The following LRPAP1 variants were observed in gnomAD, a reference collection of about 807,000 sequenced individuals.
LRPAP1 encodes the protein alpha-2-macroglobulin receptor-associated protein.
In LRPAP1, 41 loss-of-function variants were observed where a neutral mutation model predicts 39.9. The ratio of observed to expected loss-of-function variants is 1.03; its 90% CI spans 0.80 to 1.33. LRPAP1 has a LOEUF of 1.33. Among genes scored for constraint, LRPAP1 ranks in the 40% most tolerant of loss-of-function variants. The pLI is 0.00. For synonymous variants in LRPAP1, 263 were observed against 212.7 expected (o/e 1.24, Z -2.06); for missense variants, 565 against 482.3 (o/e 1.17, Z -1.61).
At chr4:3,520,321 G>C (rs957854448) in intron 2 of LRPAP1, 128 bp from the exon 3 acceptor site, 2 of 954,702 alleles carry the variant, frequency 2.1e-6, no homozygotes, top group East Asian at 2.5e-5. Context: ...CCTTTCACCT[G>C]TTTCCTGGAT....
intron 2 of LRPAP1, among the ~76,000 whole-genome samples, chr4:3,522,348 C>G (rs1024067695): frequency 6.6e-6 from 1 of 152,252 alleles, no homozygotes; most frequent in African/African-American, 2.4e-5. Flanking sequence ...GCAGAGTACC[C>G]ACGGCTGCGA....
intron 1 of LRPAP1, among the ~76,000 whole-genome samples, chr4:3,527,088 T>A (rs1730099677): frequency 6.6e-6 from 1 of 150,658 alleles, no homozygotes; most frequent in Non-Finnish European, 1.5e-5. Context: ...GTCTTTTGTC[T>A]GGGCCCTCCT....
In LRPAP1 at chr4:3,514,881, G is replaced by A. The variant is rs1729644258; in HGVS notation, c.882C>T (p.Tyr294=). The change falls in exon 7 of 8, where the codon TAC becomes TAT. Residue 294 remains tyrosine (Y), a synonymous_variant. Coordinates refer to ENST00000650182, the MANE Select transcript of LRPAP1 (RefSeq NM_002337.4). ...CGTGCGCAATCTCCAGCTGCTTCTG[G>A]TAGTGGTTGTGCTTCTCGATTTTGG... ...FEAKIEKHNH[Y]QKQLEIAHEK... 2 of 1,613,770 alleles carry A rather than the reference G, an allele frequency of 1.2e-6. No individual in the cohort carries two copies. Among genetic ancestry groups the A allele is most frequent in the African/African-American group, 1.3e-5 (1 of 74,948 alleles).
At position 3,510,776 on chromosome 4, in the gene LRPAP1, GAC is replaced by G. The variant is rs1295417604; in HGVS notation, c.*2196_*2197del. On this transcript the variant is annotated 3_prime_UTR_variant, in exon 8 of 8. Transcript: ENST00000650182. ...GCAGACATACACAGACGCACGCAAA[GAC>G]ACAGACTGCCCAGAGCCATGCACGT... 6.6e-6 allele frequency: 1 copy of G among 152,318 alleles called. No individual in the cohort carries two copies. The highest frequency in any genetic ancestry group is 1.5e-5 in the Non-Finnish European group (1 of 68,068). 9.4% of individuals were successfully genotyped at this position (152,318 alleles called of 1,614,324 possible).
intron 4 of LRPAP1, 139 bp from the exon 5 acceptor site, chr4:3,518,331 T>C: frequency 1.1e-6 from 1 of 920,880 alleles, no homozygotes; most frequent in Non-Finnish European, 1.6e-6. Flanking sequence ...TCCGCGGTCC[T>C]GCAGCGCCGC....
rs377291314 is a variant in LRPAP1 at position 3,526,633 on chromosome 4, G to T, written c.205-1582C>A. Among the ~76,000 whole-genome samples, 337 of 152,306 alleles carry T rather than the reference G, an allele frequency of 2.2e-3. 1 individual carries two copies. The highest frequency in any genetic ancestry group is 7.4e-3 in the African/African-American group (309 of 41,568). On this transcript the variant is annotated intron_variant, in intron 1 of 7. Transcript: ENST00000650182. ...GAGGCCCAGCCCTCAGGTCCGCGCCGCGCAGGGGCACACGTTTCTTTCAAG... is the reference window on the plus strand; with the variant it reads ...GAGGCCCAGCCCTCAGGTCCGCGCCTCGCAGGGGCACACGTTTCTTTCAAG...
In LRPAP1 at chr4:3,508,956, C is replaced by A. The variant is rs982332577; in HGVS notation, c.*4018G>T. Reference sequence around the variant, plus strand: ...CAAAGCCACTGTCAGACAGAGGACACGCGTGTGCACACGGAAACCCCACGA... The same window carrying A: ...CAAAGCCACTGTCAGACAGAGGACAAGCGTGTGCACACGGAAACCCCACGA... On this transcript the variant is annotated 3_prime_UTR_variant, in exon 8 of 8. Transcript: ENST00000650182. 1 of 152,184 alleles carries A rather than the reference C, an allele frequency of 6.6e-6. No individual in the cohort carries two copies. Among genetic ancestry groups the A allele is most frequent in the Non-Finnish European group, 1.5e-5 (1 of 68,050 alleles). The allele number at this position is 152,184 out of a possible 1,614,324, so 9.4% of individuals were successfully genotyped here. A position where few individuals can be genotyped will look rare whatever the true frequency, so the allele number is the denominator to read the frequency against.
Position 3,511,118 on chromosome 4 carries a change from C to G in LRPAP1, c.*1856G>C, listed in dbSNP as rs1560250261. Reference sequence around the variant, plus strand: ...CCGAGCACCAAGTCTCAGCAATCCACTAGTGTTCTCCTTCCACCCAGCTGG... The same window carrying G: ...CCGAGCACCAAGTCTCAGCAATCCAGTAGTGTTCTCCTTCCACCCAGCTGG... On this transcript the variant is annotated 3_prime_UTR_variant, in exon 8 of 8. Transcript: ENST00000650182. The G allele has an allele frequency of 6.6e-6, 1 of 152,256 alleles. No individual in the cohort carries two copies. Among genetic ancestry groups the G allele is most frequent in the Admixed American group, 6.5e-5 (1 of 15,274 alleles). 9.4% of individuals were successfully genotyped at this position (152,256 alleles called of 1,614,324 possible).
chr4:3,524,321 G>C (rs1176791988), intron 2 of LRPAP1, among the ~76,000 whole-genome samples: 2 of 152,232 alleles, frequency 1.3e-5, no homozygotes, highest in African/African-American at 4.8e-5. Context: ...TACCCACAGG[G>C]ACGAGGACTC....
chr4:3,526,500 G>A lies in LRPAP1; in HGVS notation c.205-1449C>T, dbSNP rs549840463. ...TGTGTTATATTTCAATAAAGTTTAC[G>A]TAAAACAGTGAACATCCCCACGAAG... On this transcript the variant is annotated intron_variant, in intron 1 of 7. Transcript: ENST00000650182. 4.1e-4 allele frequency among the ~76,000 whole-genome samples: 62 copies of A among 152,290 alleles called. No homozygotes were observed. In the South Asian group the frequency reaches 8.5e-3, roughly 21 times the overall value.
In LRPAP1 at chr4:3,532,398, C is replaced by A. The variant is rs920198660; in HGVS notation, c.15G>T (p.Arg5Ser). 3 of 1,577,704 alleles carry A rather than the reference C, an allele frequency of 1.9e-6. No homozygotes were observed. Among genetic ancestry groups the A allele is most frequent in the African/African-American group, 1.3e-5 (1 of 74,220 alleles). Residue 5 changes from arginine (R) to serine (S), a missense_variant, in exon 1 of 8, where the codon AGG (arginine) becomes AGT (serine). Transcript: ENST00000650182. MAPRRVRSFLRGLPA... is the reference protein window; with the variant it reads MAPRSVRSFLRGLPA... ...GGAGCCCGCGCAGAAACGACCTGAC[C>A]CTCCGCGGCGCCATCTTCCTCTGCG...
At position 3,507,353 on chromosome 4, in the gene LRPAP1, G is replaced by C. The variant is rs1347214314; in HGVS notation, c.*5621C>G. The C allele has an allele frequency of 6.6e-6, 1 of 152,220 alleles. No individual in the cohort carries two copies. Among genetic ancestry groups the C allele is most frequent in the Non-Finnish European group, 1.5e-5 (1 of 68,044 alleles). The allele number at this position is 152,220 out of a possible 1,614,324, so 9.4% of individuals were successfully genotyped here. ...GTCATGCCTCTGGCACCAGGGAAGT[G>C]CAAGTTACTACAAAACGAAAACAAA... On this transcript the variant is annotated 3_prime_UTR_variant, in exon 8 of 8. Transcript: ENST00000650182.
At chr4:3,513,468 C>T (rs1473178481) in intron 7 of LRPAP1, among the ~76,000 whole-genome samples, 1 of 152,120 alleles carries the variant, frequency 6.6e-6, no homozygotes, top group African/African-American at 2.4e-5. Context: ...CCGCCACGCC[C>T]GGCTAATTTT....
chr4:3,532,138 C>T (rs1341243727), intron 1 of LRPAP1, 71 bp downstream of exon 1: 7 of 1,506,014 alleles, frequency 4.6e-6, no homozygotes, highest in African/African-American at 1.4e-5. Context: ...GACCCCTGGG[C>T]CCCGCTCCAA....
In LRPAP1 at chr4:3,514,830, C is replaced by T; in HGVS notation, c.933G>A (p.Val311=). 1 of 1,613,676 alleles carries T rather than the reference C, an allele frequency of 6.2e-7. No homozygotes were observed. The highest frequency in any genetic ancestry group is 1.1e-5 in the South Asian group (1 of 91,092). The change falls in exon 7 of 8, where the codon GTG becomes GTA. Residue 311 remains valine, a synonymous_variant. Transcript: ENST00000650182. ...TGCGGCTCACACGCTCGCCGTCGCC[C>T]ACGCTCTCTGCGTGCCTCAGCTTCT... The part of the protein sequence containing the change: ...AHEKLRHAES[V]GDGERVSRSR...
intron 5 of LRPAP1, among the ~76,000 whole-genome samples, chr4:3,516,658 G>C (rs1405953806): frequency 1.3e-5 from 2 of 152,220 alleles, no homozygotes; most frequent in African/African-American, 4.8e-5. Context: ...TGTTGTGCTC[G>C]TGAAAGTCAA....
intron 1 of LRPAP1, among the ~76,000 whole-genome samples, chr4:3,528,112 G>A (rs1049931587): frequency 2.0e-5 from 3 of 152,182 alleles, no homozygotes; most frequent in East Asian, 1.9e-4. Context: ...AGCAGGTCAC[G>A]TGCAGACCCC....
intron 1 of LRPAP1, among the ~76,000 whole-genome samples, chr4:3,527,119 A>G (rs13125213): frequency 0.12 from 18,158 of 151,188 alleles, 1,191 homozygotes; most frequent in Non-Finnish European, 0.14. Context: ...CTGCGCCCCC[A>G]TCTCTGCAGG....
rs1416395117 is a variant in LRPAP1, at chr4:3,508,117, T to C, written c.*4857A>G. Reference sequence around the variant, plus strand: ...ACCTCCTGAGTTCAAGTGATTCTCCTGCCTCAGCCTCCAGAGTAGCTGGGA... The same window carrying C: ...ACCTCCTGAGTTCAAGTGATTCTCCCGCCTCAGCCTCCAGAGTAGCTGGGA... On this transcript the variant is annotated 3_prime_UTR_variant, in exon 8 of 8. Transcript: ENST00000650182. 6.6e-6 allele frequency: 1 copy of C among 152,258 alleles called. No individual in the cohort carries two copies. The highest frequency in any genetic ancestry group is 6.5e-5 in the Admixed American group (1 of 15,282). 9.4% of individuals were successfully genotyped at this position (152,258 alleles called of 1,614,324 possible).
Sources: gnomAD v4.1 joint callset for allele counts (sites outside exome capture counted in the v4.1 genomes callset) on GRCh38, gnomAD v4.1.1 for gene constraint, MANE v1.5 for transcripts, NCBI Gene and HGNC (gene_info 2026-07-23, HGNC 2026-07-21) for gene names.